Variants in ARHGAP31 observed in about 807,000 individuals in gnomAD.
ARHGAP31 encodes the protein rho GTPase-activating protein 31.
In ARHGAP31, 34 loss-of-function variants were observed where a neutral mutation model predicts 113.9. That is an observed-to-expected ratio of 0.30 (90% confidence interval 0.23 to 0.40). ARHGAP31 has a LOEUF of 0.40. Ranked by LOEUF, ARHGAP31 falls within the 10% of genes least tolerant of loss-of-function variation. The pLI is 1.00. For synonymous variants in ARHGAP31, 650 were observed against 684.8 expected, an observed-to-expected ratio of 0.95 and a Z score of 0.79; for missense variants, 1,548 against 1,767.1, an observed-to-expected ratio of 0.88 and a Z score of 2.22.
chr3:119,402,195 C>T lies in ARHGAP31; in HGVS notation c.1443C>T (p.Arg481=), dbSNP rs533771578. ...FQMEPSPRNQ[R]KALNISEPFA... ...TGGAGCCCTCGCCGCGTAACCAGCG[C>T]AAGGCGCTGAACATCTCCGAGCCCT... Residue 481 remains arginine, a synonymous_variant, in exon 10 of 12, where the codon CGC becomes CGT. Coordinates refer to ENST00000264245, the MANE Select transcript of ARHGAP31 (RefSeq NM_020754.4). 1.9e-6 allele frequency: 3 copies of T among 1,614,298 alleles called. No homozygotes were observed. Among genetic ancestry groups the T allele is most frequent in the African/African-American group, 2.7e-5 (2 of 75,082 alleles).
At chr3:119,405,641 G>A (rs193213245) in intron 10 of ARHGAP31, among the ~76,000 whole-genome samples, 245 of 152,246 alleles carry the variant, frequency 1.6e-3, no homozygotes, top group African/African-American at 5.7e-3. Context: ...TGGGGGGTGG[G>A]GGAGGTTCTA....
chr3:119,323,861 A>T (rs1403398155), intron 1 of ARHGAP31, among the ~76,000 whole-genome samples: 2 of 152,242 alleles, frequency 1.3e-5, no homozygotes, highest in East Asian at 3.8e-4. Flanking sequence ...CTCGCATCTC[A>T]GTCGCAGTGC....
At chr3:119,398,762 C>G (rs1400378075) in intron 8 of ARHGAP31, among the ~76,000 whole-genome samples, 1 of 152,170 alleles carries the variant, frequency 6.6e-6, no homozygotes, top group East Asian at 1.9e-4. Context: ...CCCTTGGGCC[C>G]TCTCACCTGC....
At chr3:119,309,757 C>CA (rs903094392) in intron 1 of ARHGAP31, among the ~76,000 whole-genome samples, 4 of 151,278 alleles carry the variant, frequency 2.6e-5, no homozygotes, top group Admixed American at 1.3e-4. Context: ...GACTCTGTCT[C>CA]AAAAAAAACT....
At chr3:119,330,330 C>T (rs984634933) in intron 1 of ARHGAP31, among the ~76,000 whole-genome samples, 4 of 152,142 alleles carry the variant, frequency 2.6e-5, no homozygotes, top group South Asian at 2.1e-4. Flanking sequence ...GCTCAGTGTG[C>T]GGGCATCATA....
intron 3 of ARHGAP31, among the ~76,000 whole-genome samples, chr3:119,371,009 G>T (rs925127833): frequency 6.6e-6 from 1 of 152,060 alleles, no homozygotes; most frequent in Admixed American, 6.6e-5. Flanking sequence ...TAAATTATTT[G>T]TTGACCTGAA....
Position 119,415,967 on chromosome 3 carries a change from C to A in ARHGAP31, c.4038C>A (p.Ser1346Arg). ...GGTCAAGGCCAGGAAGACCTCAGAG[C>A]CTAATCTTATTCAGTCCTCCTTTCC... ...FHRSRPGRPQ[S>R]LILFSPPFPI... The change falls in exon 12 of 12, where the codon AGC becomes AGA. Residue 1346 changes from serine (S) to arginine (R), a missense_variant. By Grantham distance (110) the Ser-to-Arg change is moderately radical. Transcript: ENST00000264245. 1.2e-6 allele frequency: 2 copies of A among 1,614,172 alleles called. No individual in the cohort carries two copies. Among genetic ancestry groups the A allele is most frequent in the Non-Finnish European group, 1.7e-6 (2 of 1,180,034 alleles).
chr3:119,362,129 G>C (rs1285765009), intron 1 of ARHGAP31, among the ~76,000 whole-genome samples: 1 of 152,198 alleles, frequency 6.6e-6, no homozygotes, highest in African/African-American at 2.4e-5. Flanking sequence ...GCTGGAACAG[G>C]TTGGTTACCC....
intron 1 of ARHGAP31, among the ~76,000 whole-genome samples, chr3:119,306,022 G>T (rs1399444714): frequency 6.6e-6 from 1 of 152,128 alleles, no homozygotes; most frequent in Non-Finnish European, 1.5e-5. Flanking sequence ...GGAAAGGAGG[G>T]CTAGTTCTCT....
intron 1 of ARHGAP31, among the ~76,000 whole-genome samples, chr3:119,316,346 G>T (rs924399339): frequency 2.0e-5 from 3 of 152,204 alleles, no homozygotes; most frequent in Non-Finnish European, 4.4e-5. Context: ...TACAGGTTGA[G>T]AATAACTTTC....
chr3:119,399,337 C>A, intron 9 of ARHGAP31, 76 bp downstream of exon 9: 2 of 1,234,696 alleles, frequency 1.6e-6, no homozygotes, highest in South Asian at 2.4e-5. Context: ...TATAAGCTGT[C>A]ATGCCTGCTT....
chr3:119,321,279 C>CTATATATATATAG lies in ARHGAP31; in HGVS notation c.100+26287_100+26288insGTATATATATATA, dbSNP rs1553759841. Reference sequence around the variant, plus strand: ...CAGCAATTTCACATATATATATATACTATATATATATATATAGTATATATA... The same window carrying CTATATATATATAG: ...CAGCAATTTCACATATATATATATACTATATATATATAGTATATATATATATATAGTATATATA... On this transcript the variant is annotated intron_variant, in intron 1 of 11. Transcript: ENST00000264245. 2.1e-5 allele frequency among the ~76,000 whole-genome samples: 3 copies of CTATATATATATAG among 140,438 alleles called. No homozygotes were observed. In the East Asian group the frequency reaches 6.1e-4, roughly 28 times the overall value. The allele number at this position is 140,438 out of a possible 152,430, so 92.1% of individuals were successfully genotyped here. A position where few individuals can be genotyped will look rare whatever the true frequency, so the allele number is the denominator to read the frequency against.
intron 6 of ARHGAP31, among the ~76,000 whole-genome samples, chr3:119,387,035 G>A (rs1370861733): frequency 1.3e-5 from 2 of 152,076 alleles, no homozygotes; most frequent in African/African-American, 2.4e-5. Context: ...AACTGCGGGC[G>A]AGCCTGACTG....
At position 119,412,354 on chromosome 3, in the gene ARHGAP31, C is replaced by T. The variant is rs188435860; in HGVS notation, c.1927-1502C>T. On this transcript the variant is annotated intron_variant, in intron 11 of 11. Transcript: ENST00000264245. ...AATGAGCCGAAATCATGCCACTGCA[C>T]TCCAGCCTGGGTGACAAAAGTGAAA... Among the ~76,000 whole-genome samples the T allele has an allele frequency of 2.9e-3, 438 of 151,614 alleles. 1 individual carries two copies. The highest frequency in any genetic ancestry group is 4.5e-3 in the Non-Finnish European group (307 of 67,890).
Position 119,390,893 on chromosome 3 carries a change from C to A in ARHGAP31, c.791C>A (p.Ala264Asp). Residue 264 changes from alanine to aspartate, a missense_variant, in exon 7 of 12, where the codon GCT (alanine) becomes GAT (aspartate). By Grantham distance (126) the Ala-to-Asp change is moderately radical (BLOSUM62 -2). Transcript: ENST00000264245. The part of the protein sequence containing the change: ...QARSLATNHP[A>D]RKERRENSLP... ...CGCAGCCTGGCCACTAACCATCCTGCTCGCAAGGAAAGGAGGGAGAACAGC... is the reference window on the plus strand; with the variant it reads ...CGCAGCCTGGCCACTAACCATCCTGATCGCAAGGAAAGGAGGGAGAACAGC... 1 of 1,614,140 alleles carries A rather than the reference C, an allele frequency of 6.2e-7. No individual in the cohort carries two copies. Among genetic ancestry groups the A allele is most frequent in the Middle Eastern group, 1.7e-4 (1 of 6,008 alleles).
intron 1 of ARHGAP31, among the ~76,000 whole-genome samples, chr3:119,362,517 T>C (rs557028165): frequency 6.6e-6 from 1 of 152,238 alleles, no homozygotes; most frequent in South Asian, 2.1e-4. Context: ...CCTGTAATCC[T>C]AGCACTTTGG....
chr3:119,325,090 T>C, intron 1 of ARHGAP31: 1 of 375,710 alleles, frequency 2.7e-6, no homozygotes, highest in Non-Finnish European at 5.4e-6. Context: ...TTAAAATATC[T>C]TCAAGTCACA....
At chr3:119,295,824 G>A (rs1181845471) in intron 1 of ARHGAP31, among the ~76,000 whole-genome samples, 1 of 152,162 alleles carries the variant, frequency 6.6e-6, no homozygotes, top group African/African-American at 2.4e-5. Flanking sequence ...AAGGGGGAAA[G>A]AAAACACCAT....
At chr3:119,380,092 G>A (rs1311227572) in intron 3 of ARHGAP31, among the ~76,000 whole-genome samples, 1 of 152,200 alleles carries the variant, frequency 6.6e-6, no homozygotes, top group Non-Finnish European at 1.5e-5. Context: ...TCTCCTTGAA[G>A]GCACTTGGGC....
Sources: allele counts gnomAD v4.1 joint callset (sites outside exome capture counted in the v4.1 genomes callset), GRCh38; gene constraint gnomAD v4.1.1; transcripts MANE v1.5; gene names NCBI Gene and HGNC (gene_info 2026-07-23, HGNC 2026-07-21).